NFATC1: variants seen among roughly 807,000 people sequenced by gnomAD.
NFATC1 encodes nuclear factor of activated T-cells, cytoplasmic 1.
A neutral mutation model predicts 76.0 loss-of-function variants in NFATC1; 22 were observed. The observed-to-expected ratio is 0.29, with a 90% CI of 0.21 to 0.41. The LOEUF (loss-of-function observed/expected upper bound fraction) is 0.41, where lower values mean the gene tolerates loss of function less well. Among genes scored for constraint, NFATC1 ranks in the 10% least tolerant of loss-of-function variants. The pLI is 1.00. For synonymous variants in NFATC1, 704 were observed against 613.1 expected (o/e 1.15, Z -2.19); for missense variants, 1,357 against 1,337.7 (o/e 1.01, Z -0.23).
intron 2 of NFATC1, among the ~76,000 whole-genome samples, chr18:79,411,741 T>G (rs2085694545): frequency 6.6e-6 from 1 of 152,220 alleles, no homozygotes; most frequent in Admixed American, 6.5e-5. Flanking sequence ...GTTTCCCATC[T>G]GAAGTCTCCA....
intron 1 of NFATC1, among the ~76,000 whole-genome samples, chr18:79,397,575 C>T (rs2085049368): frequency 1.3e-5 from 2 of 152,364 alleles, no homozygotes; most frequent in South Asian, 4.1e-4. Flanking sequence ...AAAATGTTGA[C>T]ATGTTTAAAC....
In NFATC1 at chr18:79,396,221, G is replaced by T; in HGVS notation, c.-4G>T. ...CCGCTCCACTCCCCGCCGCCGCCGC[G>T]CGGATGCCAAGCACCAGCTTTCCAG... On this transcript the variant is annotated 5_prime_UTR_variant, in exon 1 of 10. Transcript: ENST00000427363. 1.3e-6 allele frequency: 2 copies of T among 1,482,664 alleles called. No homozygotes were observed. The highest frequency in any genetic ancestry group is 1.8e-6 in the Non-Finnish European group (2 of 1,108,382). The allele number at this position is 1,482,664 out of a possible 1,614,324, so 91.8% of individuals were successfully genotyped here.
chr18:79,397,325 G>A (rs2085041685), intron 1 of NFATC1, among the ~76,000 whole-genome samples: 1 of 152,254 alleles, frequency 6.6e-6, no homozygotes, highest in Admixed American at 6.5e-5. Flanking sequence ...AAGAGCGCCA[G>A]CACACCTGCC....
At chr18:79,430,687 A>G (rs115794437) in intron 2 of NFATC1, among the ~76,000 whole-genome samples, 3,483 of 152,154 alleles carry the variant, frequency 0.023, 134 homozygotes, top group African/African-American at 0.077. Context: ...CCGGCCATGA[A>G]TTTTGTTTTT....
At chr18:79,495,963 G>A (rs1009981194) in intron 9 of NFATC1, 8 of 151,224 alleles carry the variant, frequency 5.3e-5, no homozygotes, top group Non-Finnish European at 7.4e-5. Context: ...GTAGTAAGGC[G>A]TCCGCAAGTG....
rs1402804012 is a variant in NFATC1 at position 79,433,643 on chromosome 18, G to A, written c.1291G>A (p.Glu431Lys). 3 of 1,613,078 alleles carry A rather than the reference G, an allele frequency of 1.9e-6. No homozygotes were observed. The Admixed American group carries it at 5.0e-5, about 27-fold the overall frequency. ...CTCAGGCCCGTATGAGCTTCGGATT[G>A]AGGTGCAGCCCAAGTCCCACCACCG... ...SHSGPYELRI[E>K]VQPKSHHRAH... The change falls in exon 3 of 10, where the codon GAG becomes AAG. Residue 431 changes from glutamate (E) to lysine (K), a missense_variant. By Grantham distance (56) the Glu-to-Lys change is moderately conservative. Transcript: ENST00000427363.
chr18:79,464,714 T>A (rs308525), intron 7 of NFATC1, among the ~76,000 whole-genome samples: 3,734 of 83,816 alleles, frequency 0.045, 279 homozygotes, highest in Non-Finnish European at 0.063. Context: ...TTATTTATTT[T>A]TTTTTTTTTG....
At position 79,524,891 on chromosome 18, in the gene NFATC1, G is replaced by A. The variant is rs568845686; in HGVS notation, c.2783-2637G>A. ...CTCCTGTGCCCGCGGGGAACAAGAC[G>A]GCTCTCGGCGGCCATGCAGGCGGCC... On this transcript the variant is annotated intron_variant, in intron 9 of 9. Transcript: ENST00000427363. This position sits in a 1 kb window ranked among gnomAD's most constrained non-coding sequence, Gnocchi z 7.2. 3.2e-3 allele frequency among the ~76,000 whole-genome samples: 481 copies of A among 152,052 alleles called. 2 individuals carry two copies. Among genetic ancestry groups the A allele is most frequent in the Middle Eastern group, 0.01 (3 of 294 alleles).
intron 3 of NFATC1, among the ~76,000 whole-genome samples, chr18:79,440,665 C>T (rs1003609590): frequency 1.3e-5 from 2 of 152,224 alleles, no homozygotes; most frequent in Non-Finnish European, 2.9e-5. Flanking sequence ...CGGGAAGGAG[C>T]GGCCACTGTC....
intron 2 of NFATC1, chr18:79,421,608 T>G (rs1306014100): frequency 6.6e-6 from 1 of 152,346 alleles, no homozygotes. Flanking sequence ...AGGTTTCGGT[T>G]CTGGACAGGT....
chr18:79,519,046 G>A (rs2090451432), intron 9 of NFATC1, among the ~76,000 whole-genome samples: 1 of 152,196 alleles, frequency 6.6e-6, no homozygotes, highest in South Asian at 2.1e-4. Flanking sequence ...AGGTGAGGAT[G>A]GGCCCTTCCA....
Position 79,451,957 on chromosome 18 carries a change from G to A in NFATC1, c.1903+141G>A, listed in dbSNP as rs2087494165. The A allele has an allele frequency of 1.1e-5, 11 of 997,184 alleles. No homozygotes were observed. In the Admixed American group the frequency reaches 1.3e-4, roughly 12 times the overall value. 61.8% of individuals were successfully genotyped at this position (997,184 alleles called of 1,614,324 possible). On this transcript the variant is annotated intron_variant, in intron 6 of 9. Coordinates refer to ENST00000427363, the MANE Select transcript of NFATC1 (RefSeq NM_001278669.2). ...GTGTGGCACGGAGCAGAGGCTCTGC[G>A]TGGCCCGTGTCTGCATCCGGCTGTG...
chr18:79,467,326 C>A (rs1308549826), intron 7 of NFATC1, 124 bp from the exon 8 acceptor site: 2 of 935,390 alleles, frequency 2.1e-6, no homozygotes, highest in Non-Finnish European at 3.2e-6. Flanking sequence ...GTGTGGCCGC[C>A]GTGGAAACGC....
chr18:79,430,260 C>T (rs1468481863), intron 2 of NFATC1, among the ~76,000 whole-genome samples: 3 of 152,198 alleles, frequency 2.0e-5, no homozygotes, highest in Non-Finnish European at 4.4e-5. Flanking sequence ...ACCAGACCAG[C>T]GGTGGGGGGA....
intron 7 of NFATC1, among the ~76,000 whole-genome samples, chr18:79,466,289 G>T (rs955636099): frequency 1.3e-5 from 2 of 152,248 alleles, no homozygotes; most frequent in African/African-American, 4.8e-5. Context: ...AACAAAAGAA[G>T]TAATACAATG....
At chr18:79,481,453 A>G (rs899821341) in intron 8 of NFATC1, among the ~76,000 whole-genome samples, 1 of 152,208 alleles carries the variant, frequency 6.6e-6, no homozygotes, top group Non-Finnish European at 1.5e-5. Flanking sequence ...GGGTTTCCCA[A>G]TCAACATGAG....
rs562691327 is a variant in NFATC1, at chr18:79,474,839, C to T, written c.2092+7257C>T. On this transcript the variant is annotated intron_variant, in intron 8 of 9. Coordinates refer to ENST00000427363, the MANE Select transcript of NFATC1 (RefSeq NM_001278669.2). ...CCTGAGGGAAGCGTGTTCTCACGCT[C>T]GCTGTCAACGTAAACCTGAGGGAAG... 5.4e-4 allele frequency among the ~76,000 whole-genome samples: 77 copies of T among 142,446 alleles called. 7 individuals are homozygous for T. The highest frequency in any genetic ancestry group is 1.6e-3 in the African/African-American group (60 of 36,798). 93.5% of individuals were successfully genotyped at this position (142,446 alleles called of 152,430 possible).
At chr18:79,408,178 C>G (rs2085507310) in intron 1 of NFATC1, among the ~76,000 whole-genome samples, 1 of 152,164 alleles carries the variant, frequency 6.6e-6, no homozygotes. Flanking sequence ...TTTTGAGACC[C>G]TAGATTTTTT....
Position 79,448,827 on chromosome 18 carries a change from A to C in NFATC1, c.1432A>C (p.Ile478Leu), listed in dbSNP as rs2087329730. The C allele has an allele frequency of 1.9e-6, 3 of 1,613,908 alleles. No homozygotes were observed. Among genetic ancestry groups the C allele is most frequent in the Non-Finnish European group, 2.5e-6 (3 of 1,180,036 alleles). Reference sequence around the variant, plus strand: ...TGAGCCGCTGATGCTGCAGCTTTTCATTGGGACGGCGGACGACCGCCTGCT... The same window carrying C: ...TGAGCCGCTGATGCTGCAGCTTTTCCTTGGGACGGCGGACGACCGCCTGCT... ...ENEPLMLQLF[I>L]GTADDRLLRP... The change falls in exon 4 of 10, where the codon ATT becomes CTT. Residue 478 changes from isoleucine to leucine, a missense_variant. Around this residue, in one of 3 missense-constraint regions of NFATC1, gnomAD observed 242 missense variants for 329.2 expected, o/e 0.74. Transcript: ENST00000427363.
Sources: allele counts gnomAD v4.1 joint callset (sites outside exome capture counted in the v4.1 genomes callset), GRCh38; gene constraint gnomAD v4.1.1; regional missense constraint gnomAD v4.1.1; non-coding constraint Gnocchi (gnomAD v3.1); transcripts MANE v1.5; gene names NCBI Gene and HGNC (gene_info 2026-07-23, HGNC 2026-07-21).